ALB: variants seen among roughly 807,000 people sequenced by gnomAD.
ALB encodes serum albumin.
Under a neutral mutation model 74.5 loss-of-function variants are expected in ALB, and 37 were observed. The observed-to-expected ratio is 0.50, with a 90% CI of 0.38 to 0.65. The LOEUF (loss-of-function observed/expected upper bound fraction) is 0.65. Ranked by LOEUF, ALB falls within the 30% of genes least tolerant of loss-of-function variation. The pLI is 0.00. For synonymous variants in ALB, 249 were observed against 251.6 expected (o/e 0.99, Z 0.10); for missense variants, 685 against 718.7 (o/e 0.95, Z 0.54).
intron 13 of ALB, 41 bp downstream of exon 13, chr4:73,419,680 T>C: frequency 8.7e-6 from 14 of 1,611,134 alleles, no homozygotes; most frequent in Non-Finnish European, 1.2e-5. Flanking sequence ...CAGTATTCAT[T>C]TTTGCATGTT....
intron 14 of ALB, chr4:73,420,760 A>T: frequency 3.3e-6 from 1 of 306,380 alleles, no homozygotes; most frequent in Non-Finnish European, 6.0e-6. Context: ...ACATGGTTCA[A>T]CCTAATAGTT....
At position 73,415,053 on chromosome 4, in the gene ALB, A is replaced by C; in HGVS notation, c.1077A>C (p.Ala359=). 6.2e-7 allele frequency: 1 copy of C among 1,614,118 alleles called. No homozygotes were observed. Among genetic ancestry groups the C allele is most frequent in the South Asian group, 1.1e-5 (1 of 91,080 alleles). Residue 359 remains alanine (A), a synonymous_variant, in exon 9 of 15, where the codon GCA becomes GCC. Coordinates refer to ENST00000295897, the MANE Select transcript of ALB (RefSeq NM_000477.7). The part of the protein sequence containing the change: ...VFLGMFLYEY[A]RRHPDYSVVL... ...TAATTAGGTTTTTGTATGAATATGC[A>C]AGAAGGCATCCTGATTACTCTGTCG...
chr4:73,412,231 C>T lies in ALB; in HGVS notation c.843+106C>T, dbSNP rs979212335. On this transcript the variant is annotated intron_variant, in intron 7 of 14. Coordinates refer to ENST00000295897, the MANE Select transcript of ALB (RefSeq NM_000477.7). ...GCTGACAGTGGGTTGAGATTGTCTT[C>T]TGTGCTTTCGTCTGTCCTATCTTCA... 9 of 1,399,164 alleles carry T rather than the reference C, an allele frequency of 6.4e-6. No individual in the cohort carries two copies. In the East Asian group the frequency reaches 1.8e-4, roughly 29 times the overall value. 86.7% of individuals were successfully genotyped at this position (1,399,164 alleles called of 1,614,324 possible). A position where few individuals can be genotyped will look rare whatever the true frequency, so the allele number is the denominator to read the frequency against.
chr4:73,406,730 A>T lies in ALB; in HGVS notation c.239A>T (p.Asp80Val), dbSNP rs1164942407. ...VTEFAKTCVA[D>V]ESAENCDKSL... ...GAATTTGCAAAAACATGTGTTGCTG[A>T]TGAGTCAGCTGAAAATTGTGACAAA... The change falls in exon 3 of 15, where the codon GAT (aspartate) becomes GTT (valine). Residue 80 changes from aspartate (D) to valine (V), a missense_variant. By Grantham distance (152) the Asp-to-Val change is radical. Coordinates refer to ENST00000295897, the MANE Select transcript of ALB (RefSeq NM_000477.7). The T allele has an allele frequency of 4.3e-6, 7 of 1,613,788 alleles. No individual in the cohort carries two copies. Among genetic ancestry groups the T allele is most frequent in the Non-Finnish European group, 5.1e-6 (6 of 1,179,966 alleles).
intron 8 of ALB, among the ~76,000 whole-genome samples, chr4:73,414,548 C>T (rs667): frequency 0.25 from 38,156 of 151,998 alleles, 5,018 homozygotes; most frequent in Admixed American, 0.36. Context: ...ACCACAACCT[C>T]CGCCTCCCAG....
chr4:73,405,825 T>C (rs930719962), intron 2 of ALB, among the ~76,000 whole-genome samples: 1 of 152,120 alleles, frequency 6.6e-6, no homozygotes, highest in African/African-American at 2.4e-5. Flanking sequence ...CCTGACATCG[T>C]GATCTGCCCA....
chr4:73,404,938 T>G (rs1294359293), intron 1 of ALB, 178 bp from the exon 2 acceptor site: 1 of 638,888 alleles, frequency 1.6e-6, no homozygotes, highest in South Asian at 1.9e-5. Context: ...ATTATTCTTC[T>G]GTTTAAAGGC....
intron 8 of ALB, among the ~76,000 whole-genome samples, chr4:73,413,996 T>G (rs1033699466): frequency 6.6e-6 from 1 of 152,222 alleles, no homozygotes; most frequent in Non-Finnish European, 1.5e-5. Context: ...TCTATCTAAC[T>G]AATCTAATCT....
intron 12 of ALB, chr4:73,419,148 T>C (rs922028758): frequency 5.6e-6 from 1 of 179,472 alleles, no homozygotes; most frequent in Admixed American, 5.6e-5. Context: ...TAAAACTCAA[T>C]ATGACATAAT....
chr4:73,418,054 CTT>C, intron 11 of ALB, 32 bp from the exon 12 acceptor site: 1 of 1,606,780 alleles, frequency 6.2e-7, no homozygotes, highest in Non-Finnish European at 8.5e-7. Flanking sequence ...AGCTTCACCT[CTT>C]TTGAATTTCT....
Position 73,417,603 on chromosome 4 carries a change from A to G in ALB, c.1362A>G (p.Leu454=), listed in dbSNP as rs761520895. Residue 454 remains leucine, a synonymous_variant, in exon 11 of 15, where the codon CTA becomes CTG. Transcript: ENST00000295897. ...CTCTTGTAGAGGTCTCAAGAAACCTAGGAAAAGTGGGCAGCAAATGTTGTA... is the reference window on the plus strand; with the variant it reads ...CTCTTGTAGAGGTCTCAAGAAACCTGGGAAAAGTGGGCAGCAAATGTTGTA... The part of the protein sequence containing the change: ...TPTLVEVSRN[L]GKVGSKCCKH... 1 of 1,614,012 alleles carries G rather than the reference A, an allele frequency of 6.2e-7. No homozygotes were observed. The highest frequency in any genetic ancestry group is 1.3e-5 in the African/African-American group (1 of 75,046).
At position 73,404,525 on chromosome 4, in the gene ALB, T is replaced by C. The variant is rs1160928232; in HGVS notation, c.79+119T>C. The C allele has an allele frequency of 4.7e-6, 4 of 849,602 alleles. No homozygotes were observed. The Admixed American group carries it at 8.1e-5, about 17-fold the overall frequency. 52.6% of individuals were successfully genotyped at this position (849,602 alleles called of 1,614,324 possible). ...GGCATTTATTTCTAAAATGGCATAG[T>C]ATTTTGTATTTGTGAAGTCTTACAA... On this transcript the variant is annotated intron_variant, in intron 1 of 14. Coordinates refer to ENST00000295897, the MANE Select transcript of ALB (RefSeq NM_000477.7).
At chr4:73,419,366 G>GGCTC in intron 12 of ALB, 141 bp from the exon 13 acceptor site, 1 of 853,318 alleles carries the variant, frequency 1.2e-6, no homozygotes, top group Non-Finnish European at 1.8e-6. Flanking sequence ...CGGTATGCCT[G>GGCTC]AGCCCCAAAG....
chr4:73,409,147 G>A (rs372692380), intron 4 of ALB: 2 of 560,498 alleles, frequency 3.6e-6, no homozygotes, highest in South Asian at 2.5e-5. Flanking sequence ...AACCATTTAT[G>A]CACACACACA....
intron 9 of ALB, 72 bp downstream of exon 9, chr4:73,415,239 A>C (rs547417070): frequency 1.9e-6 from 3 of 1,547,144 alleles, no homozygotes; most frequent in African/African-American, 2.7e-5. Context: ...AAAATAATGC[A>C]AGAATGTAAA....
intron 10 of ALB, 143 bp from the exon 11 acceptor site, chr4:73,417,388 A>C: frequency 2.5e-5 from 27 of 1,069,926 alleles, no homozygotes; most frequent in Non-Finnish European, 3.4e-5. Flanking sequence ...ACCCTCCACT[A>C]ACCCACTACT....
rs1046248323 is a variant in ALB at position 73,421,155 on chromosome 4, C to T, written c.*87C>T. The T allele has an allele frequency of 2.7e-5, 19 of 692,218 alleles. No homozygotes were observed. The highest frequency in any genetic ancestry group is 5.4e-5 in the East Asian group (2 of 37,048). The allele number at this position is 692,218 out of a possible 1,614,324, so 42.9% of individuals were successfully genotyped here. A position where few individuals can be genotyped will look rare whatever the true frequency, so the allele number is the denominator to read the frequency against. On this transcript the variant is annotated 3_prime_UTR_variant, in exon 15 of 15. Transcript: ENST00000295897. ...AGCTTATTCATCTGTTTTTCTTTTTCGTTGGTGTAAAGCCAACACCCTGTC... is the reference window on the plus strand; with the variant it reads ...AGCTTATTCATCTGTTTTTCTTTTTTGTTGGTGTAAAGCCAACACCCTGTC...
chr4:73,405,488 G>C (rs558707527), intron 2 of ALB, among the ~76,000 whole-genome samples: 1 of 152,300 alleles, frequency 6.6e-6, no homozygotes, highest in South Asian at 2.1e-4. Context: ...TACAGCTCTG[G>C]AACTTGCTTG....
At chr4:73,418,442 T>C (rs1259887374) in intron 12 of ALB, 131 bp downstream of exon 12, 2 of 806,942 alleles carry the variant, frequency 2.5e-6, no homozygotes, top group Non-Finnish European at 2.1e-6. Context: ...GCCCTTATTA[T>C]GCTGATAAGA....
Sources: gnomAD v4.1 joint callset for allele counts (sites outside exome capture counted in the v4.1 genomes callset) on GRCh38, gnomAD v4.1.1 for gene constraint, MANE v1.5 for transcripts, NCBI Gene and HGNC (gene_info 2026-07-23, HGNC 2026-07-21) for gene names.